MTERF4: variants seen among roughly 807,000 people sequenced by gnomAD.
The protein encoded by MTERF4 is mitochondrial transcription termination factor 4.
MTERF4 carries 17 observed loss-of-function variants against 22.5 expected under a neutral mutation model. The observed-to-expected ratio is 0.75, with a 90% CI of 0.52 to 1.13. The LOEUF (loss-of-function observed/expected upper bound fraction) is 1.13. Among genes scored for constraint, MTERF4 ranks in the 50% most tolerant of loss-of-function variants. The probability of loss-of-function intolerance (pLI) is 0.00; values close to 1 mark genes in which losing one functional copy is unlikely to be tolerated. For synonymous variants in MTERF4, 165 were observed against 175.3 expected, an observed-to-expected ratio of 0.94 and a Z score of 0.47; for missense variants, 420 against 466.8, an observed-to-expected ratio of 0.90 and a Z score of 0.92.
At chr2:241,068,049 T>G, downstream of MTERF4, 1 of 1,101,232 alleles carries the variant, frequency 9.1e-7, no homozygotes, top group Non-Finnish European at 1.3e-6. This position sits in a 1 kb window ranked among gnomAD's most constrained non-coding sequence, Gnocchi z 5.3. Flanking sequence ...GTGTGGACTG[T>G]ACCACCTGCC....
intron 4 of MTERF4, among the ~76,000 whole-genome samples, chr2:241,081,413 T>G (rs762853948): frequency 6.7e-6 from 1 of 150,214 alleles, no homozygotes; most frequent in Non-Finnish European, 1.5e-5. Context: ...TCCTCCTCCT[T>G]GTTTTTGTTT....
At chr2:241,087,511 A>C (rs2063642728), downstream of MTERF4, 1 of 1,575,074 alleles carries the variant, frequency 6.3e-7, no homozygotes, top group South Asian at 1.2e-5. Context: ...CGTGTCCTGC[A>C]TGTAGCCCAC....
At chr2:241,062,802 T>C in the MTERF4 span, 1 of 1,609,512 alleles carries the variant, frequency 6.2e-7, no homozygotes, top group East Asian at 2.2e-5. Context: ...AATCGATGAG[T>C]GCCGGTCTCA....
intron 2 of MTERF4, 145 bp downstream of exon 2, chr2:241,099,251 T>G (rs954782776): frequency 6.8e-6 from 6 of 882,388 alleles, no homozygotes; most frequent in Non-Finnish European, 1.0e-5. Flanking sequence ...ATTTTTCTAT[T>G]TTTAGTTGAG....
chr2:241,072,946 G>T, exon 5 of MTERF4: 1 of 397,212 alleles, frequency 2.5e-6, no homozygotes, highest in Non-Finnish European at 4.5e-6. Context: ...TGCAGAATTT[G>T]ACCCTAAGAA....
At chr2:241,042,994 C>T in the MTERF4 span, among the ~76,000 whole-genome samples, 1 of 151,316 alleles carries the variant, frequency 6.6e-6, no homozygotes, top group African/African-American at 2.4e-5. Context: ...ATCAAGCAGC[C>T]TGGGATCCAT....
chr2:241,051,835 C>G, the MTERF4 span: 1 of 1,561,234 alleles, frequency 6.4e-7, no homozygotes, highest in Non-Finnish European at 8.7e-7. The surrounding 1 kb of genome is among the most constrained non-coding windows in gnomAD (Gnocchi z 4.7). Flanking sequence ...GCCCCTACCG[C>G]TTCACTGGGA....
At chr2:241,062,082 C>A in the MTERF4 span, among the ~76,000 whole-genome samples, 28 of 152,110 alleles carry the variant, frequency 1.8e-4, no homozygotes, top group African/African-American at 6.3e-4. Context: ...AGTTCATAAA[C>A]AACAAAAACA....
At chr2:241,089,184 T>C, downstream of MTERF4, 1 of 1,050,434 alleles carries the variant, frequency 9.5e-7, no homozygotes. Flanking sequence ...AGTTTCATAC[T>C]GACCATCATT....
chr2:241,063,087 C>T, the MTERF4 span, among the ~76,000 whole-genome samples: 30 of 152,248 alleles, frequency 2.0e-4, no homozygotes, highest in Non-Finnish European at 2.8e-4. Flanking sequence ...TCCTGCACCT[C>T]CCCAGGGGAG....
At chr2:241,092,630 C>T (rs1255234747), downstream of MTERF4, 1 of 152,244 alleles carries the variant, frequency 6.6e-6, no homozygotes, top group East Asian at 1.9e-4. This position sits in a 1 kb window ranked among gnomAD's most constrained non-coding sequence, Gnocchi z 4.6. Flanking sequence ...CACGAAGCAG[C>T]AAGGACGCCT....
chr2:241,056,777 T>G, the MTERF4 span, among the ~76,000 whole-genome samples: 1 of 150,962 alleles, frequency 6.6e-6, no homozygotes, highest in Non-Finnish European at 1.5e-5. Context: ...GAGACAGGGT[T>G]TCACCGTGTT....
At chr2:241,071,564 C>A, downstream of MTERF4, 1 of 1,575,494 alleles carries the variant, frequency 6.3e-7, no homozygotes, top group Non-Finnish European at 8.6e-7. Context: ...CTTCCTCCTG[C>A]CTGCTCTGCA....
chr2:241,046,678 A>G, the MTERF4 span, among the ~76,000 whole-genome samples: 1 of 152,332 alleles, frequency 6.6e-6, no homozygotes, highest in South Asian at 2.1e-4. Flanking sequence ...GAGATAGACC[A>G]AAGAAGTCTT....
At chr2:241,090,659 G>A (rs1388788880), downstream of MTERF4, among the ~76,000 whole-genome samples, 1 of 152,074 alleles carries the variant, frequency 6.6e-6, no homozygotes, top group African/African-American at 2.4e-5. Context: ...TTGAGGCCAG[G>A]AGTTCGAGAC....
chr2:241,093,350 T>C (rs139518414), downstream of MTERF4: 1,311 of 152,798 alleles, frequency 8.6e-3, 14 homozygotes, highest in Middle Eastern at 0.017. Flanking sequence ...TCGAGTGATA[T>C]CACTGGAAAA....
chr2:241,062,729 G>T, the MTERF4 span: 1 of 1,095,530 alleles, frequency 9.1e-7, no homozygotes. Flanking sequence ...ACTAGTTTAT[G>T]TGCATCTTAA....
chr2:241,079,591 G>C (rs946539981), intron 4 of MTERF4, among the ~76,000 whole-genome samples: 1 of 152,084 alleles, frequency 6.6e-6, no homozygotes, highest in Non-Finnish European at 1.5e-5. Flanking sequence ...GATCGGCGAG[G>C]CTTCTCTGAA....
At chr2:241,070,986 C>T (rs2062684143), downstream of MTERF4, among the ~76,000 whole-genome samples, 3 of 152,202 alleles carry the variant, frequency 2.0e-5, no homozygotes, top group Admixed American at 1.3e-4. Flanking sequence ...TCAGACCCAA[C>T]CCTGCCACCC....
Sources: allele counts gnomAD v4.1 joint callset (sites outside exome capture counted in the v4.1 genomes callset), GRCh38; gene constraint gnomAD v4.1.1; non-coding constraint Gnocchi (gnomAD v3.1); transcripts MANE v1.5; gene names NCBI Gene and HGNC (gene_info 2026-07-23, HGNC 2026-07-21).